Variants in MTR observed in about 807,000 individuals in gnomAD.
MTR encodes the protein 5-methyltetrahydrofolate-homocysteine methyltransferase, also known as methionine synthase.
Under a neutral mutation model 154.8 loss-of-function variants are expected in MTR, and 84 were observed. The observed-to-expected ratio is 0.54, with a 90% CI of 0.45 to 0.65. The LOEUF is 0.65. Ranked by LOEUF, MTR falls within the 30% of genes least tolerant of loss-of-function variation. The pLI is 0.00. For synonymous variants in MTR, 554 were observed against 553.9 expected, an observed-to-expected ratio of 1.00 and a Z score of 0.00; for missense variants, 1,275 against 1,570.2, an observed-to-expected ratio of 0.81 and a Z score of 3.18.
At chr1:236,889,440 A>T in intron 28 of MTR, 104 bp downstream of exon 28, 1 of 1,500,298 alleles carries the variant, frequency 6.7e-7, no homozygotes, top group South Asian at 1.1e-5. Flanking sequence ...GATTGTGCAG[A>T]TTACGGCTGC....
At chr1:236,881,136 G>A (rs187367562) in intron 25 of MTR, among the ~76,000 whole-genome samples, 2 of 152,246 alleles carry the variant, frequency 1.3e-5, no homozygotes, top group Admixed American at 1.3e-4. Context: ...TCACAAACAT[G>A]AATAGATGTT....
At chr1:236,806,474 T>C (rs1246920171) in intron 3 of MTR, among the ~76,000 whole-genome samples, 1 of 152,248 alleles carries the variant, frequency 6.6e-6, no homozygotes, top group Non-Finnish European at 1.5e-5. Context: ...TACTTAATTA[T>C]GCAGTAGCTG....
At chr1:236,815,790 A>G in intron 7 of MTR, 127 bp downstream of exon 7, 2 of 888,128 alleles carry the variant, frequency 2.3e-6, no homozygotes, top group Non-Finnish European at 1.8e-6. Flanking sequence ...TTTAACTTCC[A>G]TTGTTCACTT....
chr1:236,888,777 G>A (rs761809882), intron 27 of MTR, among the ~76,000 whole-genome samples: 2 of 152,142 alleles, frequency 1.3e-5, no homozygotes, highest in Non-Finnish European at 2.9e-5. Flanking sequence ...GATTGTTTCC[G>A]GTTTTGAAAC....
chr1:236,814,832 G>A (rs1472299780), intron 6 of MTR, among the ~76,000 whole-genome samples: 1 of 151,994 alleles, frequency 6.6e-6, no homozygotes, highest in Non-Finnish European at 1.5e-5. Context: ...GGATCAATTT[G>A]TCTAGTTCTA....
At chr1:236,867,701 A>G (rs544816043) in intron 22 of MTR, among the ~76,000 whole-genome samples, 2 of 152,200 alleles carry the variant, frequency 1.3e-5, no homozygotes, top group South Asian at 4.1e-4. Flanking sequence ...CATTAACAGG[A>G]GCTTGGAAGA....
chr1:236,800,395 C>G (rs924877880), intron 1 of MTR: 1 of 985,248 alleles, frequency 1.0e-6, no homozygotes, highest in Non-Finnish European at 1.2e-6. Context: ...ATTCAGTCAC[C>G]CACTTAAGTT....
At chr1:236,799,053 T>A (rs975995768) in intron 1 of MTR, among the ~76,000 whole-genome samples, 1 of 152,114 alleles carries the variant, frequency 6.6e-6, no homozygotes, top group Non-Finnish European at 1.5e-5. Flanking sequence ...CTTCTTAGTT[T>A]CTCTAAATGG....
intron 25 of MTR, among the ~76,000 whole-genome samples, chr1:236,881,642 C>A (rs1338315275): frequency 6.6e-6 from 1 of 152,142 alleles, no homozygotes; most frequent in Non-Finnish European, 1.5e-5. Flanking sequence ...CGGAGGTGGC[C>A]TGGTGATCTG....
Position 236,873,853 on chromosome 1 carries a change from T to C in MTR, c.2473+13T>C, listed in dbSNP as rs751958271. ...GACCACAAAGCAGGTACTGTGCAAC[T>C]ATACTTTGGGCATTTCTCTAAATGT... is the stretch of plus-strand genomic sequence containing the variant. On this transcript the variant is annotated intron_variant, in intron 23 of 32. Transcript: ENST00000366577. 1.2e-6 allele frequency: 2 copies of C among 1,612,684 alleles called. No individual in the cohort carries two copies. The highest frequency in any genetic ancestry group is 1.7e-6 in the Non-Finnish European group (2 of 1,178,676).
intron 13 of MTR, among the ~76,000 whole-genome samples, chr1:236,833,483 G>A (rs1460316025): frequency 6.6e-6 from 1 of 152,096 alleles, no homozygotes; most frequent in African/African-American, 2.4e-5. Flanking sequence ...TGGAGGCTTG[G>A]GGAGGTTAAA....
chr1:236,900,802 C>T lies in MTR; in HGVS notation c.*3158C>T, dbSNP rs985912043. The T allele has an allele frequency of 1.3e-5, 2 of 152,528 alleles. No homozygotes were observed. Among genetic ancestry groups the T allele is most frequent in the Non-Finnish European group, 2.9e-5 (2 of 68,082 alleles). 9.4% of individuals were successfully genotyped at this position (152,528 alleles called of 1,614,324 possible). ...GAGAGTGGTGCATCCTTGCTGCTGC[C>T]AGCAGTGCCCAGATACCAGGCTTTG... On this transcript the variant is annotated 3_prime_UTR_variant, in exon 33 of 33. Transcript: ENST00000366577.
chr1:236,839,656 G>C (rs1379171925), intron 15 of MTR, among the ~76,000 whole-genome samples: 1 of 151,950 alleles, frequency 6.6e-6, no homozygotes, highest in African/African-American at 2.4e-5. Flanking sequence ...GAATATTTTG[G>C]TACCTATTTA....
Position 236,819,774 on chromosome 1 carries a change from T to A in MTR, c.764+3231T>A, listed in dbSNP as rs137996827. 4.1e-4 allele frequency: 307 copies of A among 757,374 alleles called. 1 individual carries two copies. In the African/African-American group the frequency reaches 4.7e-3, roughly 12 times the overall value. The allele number at this position is 757,374 out of a possible 1,614,324, so 46.9% of individuals were successfully genotyped here. On this transcript the variant is annotated intron_variant, in intron 8 of 32. Coordinates refer to ENST00000366577, the MANE Select transcript of MTR (RefSeq NM_000254.3). The stretch of plus-strand genomic sequence containing the variant: ...CTATAAAAGGAAAAATGATGGGATC[T>A]ACATCATAAATCTGAAGAGGACCTG...
intron 6 of MTR, 129 bp from the exon 7 acceptor site, chr1:236,815,475 C>T: frequency 2.2e-6 from 2 of 898,630 alleles, no homozygotes; most frequent in South Asian, 2.7e-5. Flanking sequence ...GAAGACACTT[C>T]TTCCCAGAGA....
chr1:236,853,534 AT>A (rs911872529), intron 18 of MTR, among the ~76,000 whole-genome samples: 49 of 152,284 alleles, frequency 3.2e-4, no homozygotes, highest in African/African-American at 1.1e-3. Context: ...ATATACATAC[AT>A]TTTTTACAAA....
At chr1:236,891,059 G>A (rs1666287802) in intron 28 of MTR, 74 bp from the exon 29 acceptor site, 2 of 1,525,470 alleles carry the variant, frequency 1.3e-6, no homozygotes. Flanking sequence ...AGGGGTAATG[G>A]CTTTTAAAAG....
chr1:236,881,030 T>C (rs939940813), intron 25 of MTR, among the ~76,000 whole-genome samples, 194 bp downstream of exon 25: 1 of 152,166 alleles, frequency 6.6e-6, no homozygotes, highest in African/African-American at 2.4e-5. Context: ...TCCTATACTT[T>C]CAAAGACAAT....
chr1:236,852,702 T>G, intron 17 of MTR, 65 bp downstream of exon 17: 2 of 1,442,248 alleles, frequency 1.4e-6, no homozygotes, highest in Non-Finnish European at 2.0e-6. Flanking sequence ...GTTTTCAAAG[T>G]GTGGCATGCA....
Sources: allele counts gnomAD v4.1 joint callset (sites outside exome capture counted in the v4.1 genomes callset), GRCh38; gene constraint gnomAD v4.1.1; transcripts MANE v1.5; gene names NCBI Gene and HGNC (gene_info 2026-07-23, HGNC 2026-07-21).